C1S: variants seen among roughly 807,000 people sequenced by gnomAD.
The protein encoded by C1S is complement C1s subcomponent.
Under a neutral mutation model 54.0 loss-of-function variants are expected in C1S, and 31 were observed. The observed-to-expected ratio is 0.57, with a 90% CI of 0.43 to 0.78. The LOEUF (loss-of-function observed/expected upper bound fraction) is 0.78. C1S is among the 30% of genes least tolerant of loss of function. The pLI is 0.00. For synonymous variants in C1S, 292 were observed against 303.6 expected, an observed-to-expected ratio of 0.96 and a Z score of 0.40; for missense variants, 727 against 851.8, an observed-to-expected ratio of 0.85 and a Z score of 1.82.
chr12:7,064,577 G>A (rs1947145996), intron 5 of C1S, among the ~76,000 whole-genome samples, 185 bp downstream of exon 5: 1 of 152,132 alleles, frequency 6.6e-6, no homozygotes, highest in Admixed American at 6.5e-5. Context: ...GGGGGTACTG[G>A]TGTTTTTGGT....
At chr12:7,061,529 C>T (rs782618642) in intron 1 of C1S, 6 of 361,084 alleles carry the variant, frequency 1.7e-5, no homozygotes, top group South Asian at 4.5e-5. Context: ...ACTGATACCG[C>T]GGGGGTGGGG....
chr12:7,065,904 G>T lies in C1S; in HGVS notation c.805G>T (p.Asp269Tyr). 1 of 1,613,576 alleles carries T rather than the reference G, an allele frequency of 6.2e-7. No individual in the cohort carries two copies. Among genetic ancestry groups the T allele is most frequent in the Non-Finnish European group, 8.5e-7 (1 of 1,179,558 alleles). The part of the protein sequence containing the change: ...LNIETKSNAL[D>Y]IIFQTDLTGQ... ...TATTGAAACCAAGAGTAATGCTCTT[G>T]ATATCATCTTCCAAACTGATCTAAC... Residue 269 changes from aspartate to tyrosine, a missense_variant, in exon 7 of 12, where the codon GAT becomes TAT. Coordinates refer to ENST00000360817, the MANE Select transcript of C1S (RefSeq NM_001734.5).
rs782359766 is a variant in C1S, at chr12:7,070,249, C to A, written c.1665C>A (p.Ser555=). Residue 555 remains serine, a synonymous_variant, in exon 12 of 12, where the codon TCC becomes TCA. Transcript: ENST00000360817. The surrounding 1 kb of genome is among the most constrained non-coding windows in gnomAD (Gnocchi z 4.9). ...CCATCTGCCTACCAGGCACCTCTTC[C>A]GACTACAACCTCATGGATGGGGACC... ...VSPICLPGTS[S]DYNLMDGDLG... is the part of the protein sequence containing the mutation. The A allele has an allele frequency of 7.4e-6, 12 of 1,614,000 alleles. No homozygotes were observed. Among genetic ancestry groups the A allele is most frequent in the Non-Finnish European group, 1.0e-5 (12 of 1,179,964 alleles).
chr12:7,064,514 T>G, intron 5 of C1S, 122 bp downstream of exon 5: 1 of 877,034 alleles, frequency 1.1e-6, no homozygotes, highest in East Asian at 2.8e-5. Context: ...CACTTCTTTT[T>G]TATTTTAGAA....
At chr12:7,063,780 T>G in intron 4 of C1S, 2 of 355,076 alleles carry the variant, frequency 5.6e-6, no homozygotes, top group Non-Finnish European at 1.1e-5. Flanking sequence ...ATCCCAGCAC[T>G]TTGGGAGGCT....
intron 4 of C1S, chr12:7,063,815 A>G (rs1947132178): frequency 2.8e-6 from 1 of 358,832 alleles, no homozygotes; most frequent in East Asian, 7.3e-5. Flanking sequence ...ACCGGAGCCC[A>G]GGAGTTCAAG....
chr12:7,067,876 T>G, intron 10 of C1S, 105 bp downstream of exon 10: 1 of 1,207,622 alleles, frequency 8.3e-7, no homozygotes, highest in Non-Finnish European at 1.2e-6. Context: ...ATGAAGGCGA[T>G]AGGACAGACA....
intron 6 of C1S, 58 bp from the exon 7 acceptor site, chr12:7,065,759 C>G: frequency 6.8e-7 from 1 of 1,462,400 alleles, no homozygotes; most frequent in Non-Finnish European, 9.6e-7. Flanking sequence ...CTCCCACTTC[C>G]CAATTTTACC....
Position 7,070,753 on chromosome 12 carries a change from G to A in C1S, c.*102G>A, listed in dbSNP as rs782472802. Reference sequence around the variant, plus strand: ...TTTCATCATGACTGAAAGAAGACACGAGCGAATGATTTAAATAGAACTTGA... The same window carrying A: ...TTTCATCATGACTGAAAGAAGACACAAGCGAATGATTTAAATAGAACTTGA... On this transcript the variant is annotated 3_prime_UTR_variant, in exon 12 of 12. Coordinates refer to ENST00000360817, the MANE Select transcript of C1S (RefSeq NM_001734.5). The surrounding 1 kb of genome is among the most constrained non-coding windows in gnomAD (Gnocchi z 4.9). 6 of 999,164 alleles carry A rather than the reference G, an allele frequency of 6.0e-6. No individual in the cohort carries two copies. The Admixed American group carries it at 8.8e-5, about 15-fold the overall frequency. The allele number at this position is 999,164 out of a possible 1,614,324, so 61.9% of individuals were successfully genotyped here.
At chr12:7,063,634 C>G (rs782459315) in intron 4 of C1S, among the ~76,000 whole-genome samples, 1 of 152,320 alleles carries the variant, frequency 6.6e-6, no homozygotes, top group Non-Finnish European at 1.5e-5. Context: ...ACTGATTCCT[C>G]CCTGCAGAAG....
At chr12:7,066,220 T>C in intron 7 of C1S, 1 of 609,328 alleles carries the variant, frequency 1.6e-6, no homozygotes, top group Non-Finnish European at 2.9e-6. Context: ...AGATAGATTG[T>C]TGTTCTGATA....
chr12:7,065,364 A>T (rs782154616), intron 6 of C1S, 65 bp downstream of exon 6: 8 of 1,290,392 alleles, frequency 6.2e-6, no homozygotes, highest in Admixed American at 3.4e-5. Flanking sequence ...CTGAAGACAA[A>T]TTTTTTTTTC....
chr12:7,070,683 T>A lies in C1S; in HGVS notation c.*32T>A. 1.3e-6 allele frequency: 2 copies of A among 1,522,960 alleles called. No homozygotes were observed. The highest frequency in any genetic ancestry group is 1.8e-6 in the Non-Finnish European group (2 of 1,098,078). The allele number at this position is 1,522,960 out of a possible 1,614,324, so 94.3% of individuals were successfully genotyped here. On this transcript the variant is annotated 3_prime_UTR_variant, in exon 12 of 12. Transcript: ENST00000360817. The surrounding 1 kb of genome is among the most constrained non-coding windows in gnomAD (Gnocchi z 4.9). ...TACATCCCACCAGCCTCTCCAAGGG[T>A]GGTGACCAATGCATTACCTTCTGTT...
In C1S at chr12:7,067,476, G is replaced by A. The variant is rs1366179265; in HGVS notation, c.1067-167G>A. On this transcript the variant is annotated intron_variant, in intron 9 of 11. Coordinates refer to ENST00000360817, the MANE Select transcript of C1S (RefSeq NM_001734.5). ...ATCTCAGCGGGTGAGAGAGCTGAGA[G>A]ATGCCAGTTGGGGAGGATGGCCACA... 5 of 796,944 alleles carry A rather than the reference G, an allele frequency of 6.3e-6. No homozygotes were observed. In the African/African-American group the frequency reaches 8.4e-5, roughly 13 times the overall value. The allele number at this position is 796,944 out of a possible 1,614,324, so 49.4% of individuals were successfully genotyped here. A position where few individuals can be genotyped will look rare whatever the true frequency, so the allele number is the denominator to read the frequency against.
chr12:7,066,419 CT>C (rs1371958848), intron 7 of C1S, 98 bp from the exon 8 acceptor site: 13 of 774,022 alleles, frequency 1.7e-5, no homozygotes, highest in Middle Eastern at 2.3e-4. Flanking sequence ...TTGAGGACAA[CT>C]GGACGATTTT....
chr12:7,069,166 C>A (rs1937763722), intron 11 of C1S, among the ~76,000 whole-genome samples: 1 of 152,176 alleles, frequency 6.6e-6, no homozygotes, highest in Non-Finnish European at 1.5e-5. Flanking sequence ...GCTTTGAGCC[C>A]AGGTCTGTCT....
In C1S at chr12:7,062,958, A is replaced by G. The variant is rs1555161489; in HGVS notation, c.282A>G (p.Pro94=). Reference sequence around the variant, plus strand: ...GGAGCAGTAACAATCCCCACTCTCCAATTGTGGAAGAGTTCCAAGTCCCAT... The same window carrying G: ...GGAGCAGTAACAATCCCCACTCTCCGATTGTGGAAGAGTTCCAAGTCCCAT... ...GQRSSNNPHS[P]IVEEFQVPYN... Residue 94 remains proline (P), a synonymous_variant, in exon 4 of 12, where the codon CCA becomes CCG. Coordinates refer to ENST00000360817, the MANE Select transcript of C1S (RefSeq NM_001734.5). The G allele has an allele frequency of 6.2e-7, 1 of 1,613,808 alleles. No homozygotes were observed.
chr12:7,066,713 C>G, intron 8 of C1S, 80 bp downstream of exon 8: 2 of 850,922 alleles, frequency 2.4e-6, no homozygotes, highest in Non-Finnish European at 2.1e-6. Flanking sequence ...GTTGTTTACC[C>G]AATGTATGTG....
At chr12:7,067,177 G>A (rs2135726493) in intron 9 of C1S, 60 bp downstream of exon 9, 1 of 1,188,354 alleles carries the variant, frequency 8.4e-7, no homozygotes, top group Non-Finnish European at 1.3e-6. Flanking sequence ...GGAAAGATCA[G>A]CACATCAAAA....
Sources: gnomAD v4.1 joint callset for allele counts (sites outside exome capture counted in the v4.1 genomes callset) on GRCh38, gnomAD v4.1.1 for gene constraint, Gnocchi (gnomAD v3.1) non-coding constraint, MANE v1.5 for transcripts, NCBI Gene and HGNC (gene_info 2026-07-23, HGNC 2026-07-21) for gene names.